IL17RD: variants seen among roughly 807,000 people sequenced by gnomAD.
The protein encoded by IL17RD is interleukin-17 receptor D.
IL17RD carries 52 observed loss-of-function variants against 80.5 expected under a neutral mutation model. That is an observed-to-expected ratio of 0.65 (90% CI 0.52 to 0.81). The LOEUF (loss-of-function observed/expected upper bound fraction) is 0.81. Ranked by LOEUF, IL17RD falls within the 40% of genes least tolerant of loss-of-function variation. The probability of loss-of-function intolerance (pLI) is 0.00; values close to 1 mark genes in which losing one functional copy is unlikely to be tolerated. For missense variants in IL17RD, 1,024 were observed against 955.1 expected (o/e 1.07, Z -0.95); for synonymous variants, 416 against 391.8 (o/e 1.06, Z -0.73).
At chr3:57,099,224 C>A (rs1331110405) in intron 11 of IL17RD, among the ~76,000 whole-genome samples, 2 of 152,210 alleles carry the variant, frequency 1.3e-5, no homozygotes, top group Non-Finnish European at 1.5e-5. Context: ...TCAGGACTGG[C>A]TAGCACCTTC....
At chr3:57,096,895 C>T (rs879557763) in intron 12 of IL17RD, among the ~76,000 whole-genome samples, 1 of 151,766 alleles carries the variant, frequency 6.6e-6, no homozygotes, top group African/African-American at 2.4e-5. Context: ...CTTGTAATCC[C>T]AGCTATTCGG....
At chr3:57,120,945 C>T (rs1302088772) in intron 1 of IL17RD, among the ~76,000 whole-genome samples, 1 of 152,210 alleles carries the variant, frequency 6.6e-6, no homozygotes, top group African/African-American at 2.4e-5. Flanking sequence ...GCCATCTGCA[C>T]TCAATACCAG....
At chr3:57,142,145 G>C (rs746916668) in intron 1 of IL17RD, among the ~76,000 whole-genome samples, 17 of 152,144 alleles carry the variant, frequency 1.1e-4, no homozygotes, top group Non-Finnish European at 2.5e-4. Context: ...AGGCATAAAG[G>C]GCAAAGCTTC....
chr3:57,104,406 T>C lies in IL17RD; in HGVS notation c.749A>G (p.Glu250Gly). ...GPFKRKTCKQ[E>G]QTTETTSCLL... ...GCAGCTGGTCGTCTCTGTAGTTTGCTCCTGCAACAGACCAAAGAACACTTT... is the reference window on the plus strand; with the variant it reads ...GCAGCTGGTCGTCTCTGTAGTTTGCCCCTGCAACAGACCAAAGAACACTTT... Residue 250 changes from glutamate to glycine, a missense_variant and splice_region_variant, in exon 8 of 13, where the codon GAG becomes GGG. Transcript: ENST00000296318. The C allele has an allele frequency of 1.9e-6, 3 of 1,603,644 alleles. No homozygotes were observed. The highest frequency in any genetic ancestry group is 2.6e-6 in the Non-Finnish European group (3 of 1,171,952).
At position 57,091,855 on chromosome 3, in the gene IL17RD, G is replaced by GAA. The variant is rs1360647047; in HGVS notation, c.*4537_*4538insTT. 1 of 152,174 alleles carries GAA rather than the reference G, an allele frequency of 6.6e-6. No individual in the cohort carries two copies. The highest frequency in any genetic ancestry group is 1.5e-5 in the Non-Finnish European group (1 of 68,026). The allele number at this position is 152,174 out of a possible 1,614,324, so 9.4% of individuals were successfully genotyped here. A position where few individuals can be genotyped will look rare whatever the true frequency, so the allele number is the denominator to read the frequency against. On this transcript the variant is annotated 3_prime_UTR_variant, in exon 13 of 13. Transcript: ENST00000296318. Reference sequence around the variant, plus strand: ...TCTGGAATAATTCAGGCACAGCCCTGTCTGACACCAGGGGGAGAATATGCT... The same window carrying GAA: ...TCTGGAATAATTCAGGCACAGCCCTGAATCTGACACCAGGGGGAGAATATGCT...
At position 57,127,394 on chromosome 3, in the gene IL17RD, A is replaced by AT. The variant is rs1491167557; in HGVS notation, c.127-7082_127-7081insA. Among the ~76,000 whole-genome samples the AT allele has an allele frequency of 4.3e-3, 323 of 74,654 alleles. 33 individuals carry two copies. Among genetic ancestry groups the AT allele is most frequent in the Admixed American group, 7.6e-3 (37 of 4,868 alleles). The allele number at this position is 74,654 out of a possible 152,430, so 49.0% of individuals were successfully genotyped here. On this transcript the variant is annotated intron_variant, in intron 1 of 12. Transcript: ENST00000296318. ...TATATATATAAATAAATAAATAAATAAATATATATATATATATATTTTTTT... is the reference window on the plus strand; with the variant it reads ...TATATATATAAATAAATAAATAAATATAATATATATATATATATATTTTTTT...
At chr3:57,121,541 C>T (rs997549088) in intron 1 of IL17RD, among the ~76,000 whole-genome samples, 6 of 152,158 alleles carry the variant, frequency 3.9e-5, no homozygotes, top group Non-Finnish European at 7.3e-5. Flanking sequence ...ACATGACACA[C>T]CAGCCCACAA....
At chr3:57,138,103 G>A (rs1307217524) in intron 1 of IL17RD, among the ~76,000 whole-genome samples, 5 of 152,294 alleles carry the variant, frequency 3.3e-5, no homozygotes, top group South Asian at 4.1e-4. Flanking sequence ...TGCGGGGAGA[G>A]GAGAATGGGG....
At chr3:57,165,435 C>T (rs1339753046), upstream of IL17RD, 3 of 564,458 alleles carry the variant, frequency 5.3e-6, no homozygotes, top group African/African-American at 6.0e-5. Context: ...CGCCCCCACC[C>T]TCAGTCCTCG....
chr3:57,120,532 G>A (rs1362496629), intron 1 of IL17RD, among the ~76,000 whole-genome samples: 1 of 152,216 alleles, frequency 6.6e-6, no homozygotes, highest in African/African-American at 2.4e-5. Flanking sequence ...TAGGGATCAT[G>A]AGCACTCACT....
intron 12 of IL17RD, 144 bp from the exon 13 acceptor site, chr3:57,096,649 G>A: frequency 3.0e-6 from 2 of 657,060 alleles, no homozygotes; most frequent in Admixed American, 4.8e-5. Context: ...ACTCAAGATG[G>A]GGCACTCTCA....
At chr3:57,111,809 A>AG in intron 3 of IL17RD, among the ~76,000 whole-genome samples, 1 of 151,558 alleles carries the variant, frequency 6.6e-6, no homozygotes, top group East Asian at 1.9e-4. Context: ...ATACAAAAAA[A>AG]AAATCAGCTG....
chr3:57,141,848 A>G, intron 1 of IL17RD, among the ~76,000 whole-genome samples: 1 of 149,646 alleles, frequency 6.7e-6, no homozygotes, highest in East Asian at 1.9e-4. Flanking sequence ...CTGATAAGGA[A>G]AAGATGGATT....
chr3:57,122,022 GA>G (rs1707352349), intron 1 of IL17RD, among the ~76,000 whole-genome samples: 1 of 152,230 alleles, frequency 6.6e-6, no homozygotes, highest in Admixed American at 6.5e-5. Context: ...TGGGTAGGTA[GA>G]TTATGTCCTA....
chr3:57,142,054 A>G (rs536787497), intron 1 of IL17RD, among the ~76,000 whole-genome samples: 2 of 152,320 alleles, frequency 1.3e-5, no homozygotes, highest in South Asian at 4.1e-4. Context: ...GGACACACGG[A>G]GCCTTCCTAA....
At chr3:57,169,093 C>G (rs1369442616), upstream of IL17RD, 2 of 385,350 alleles carry the variant, frequency 5.2e-6, no homozygotes. Context: ...GTCCTGGAAG[C>G]TGAGCTAAAA....
chr3:57,116,206 A>G (rs986770925), intron 2 of IL17RD, among the ~76,000 whole-genome samples: 1 of 151,798 alleles, frequency 6.6e-6, no homozygotes, highest in African/African-American at 2.4e-5. Context: ...GCCTGACTAC[A>G]TTAGGCACAC....
At chr3:57,134,683 T>A in intron 1 of IL17RD, 1 of 720,056 alleles carries the variant, frequency 1.4e-6, no homozygotes, top group South Asian at 1.4e-5. Flanking sequence ...AAGGAGGAGA[T>A]CATCAAGACT....
Position 57,160,584 on chromosome 3 carries a change from T to C in IL17RD, c.126+4577A>G, listed in dbSNP as rs938319195. Among the ~76,000 whole-genome samples the C allele has an allele frequency of 2.0e-5, 3 of 152,112 alleles. No homozygotes were observed. In the South Asian group the frequency reaches 6.2e-4, roughly 31 times the overall value. On this transcript the variant is annotated intron_variant, in intron 1 of 12. Transcript: ENST00000296318. ...TAGCTTCTCCCCCGCCCCGCTTCCC[T>C]GCTCCTCCCATCCTCACACTCCCCA...
Sources: allele counts gnomAD v4.1 joint callset (sites outside exome capture counted in the v4.1 genomes callset), GRCh38; gene constraint gnomAD v4.1.1; transcripts MANE v1.5; gene names NCBI Gene and HGNC (gene_info 2026-07-23, HGNC 2026-07-21).